KCNQ5: variants seen among roughly 807,000 people sequenced by gnomAD.
KCNQ5 encodes the protein potassium voltage-gated channel subfamily Q member 5.
In KCNQ5, 30 loss-of-function variants were observed where a neutral mutation model predicts 98.2. That is an observed-to-expected ratio of 0.31 (90% CI 0.23 to 0.41). The LOEUF is 0.41. KCNQ5 is among the 10% of genes least tolerant of loss of function. KCNQ5 has a pLI of 1.00. For synonymous variants in KCNQ5, 458 were observed against 449.4 expected (o/e 1.02, Z -0.24); for missense variants, 835 against 1,182.5 (o/e 0.71, Z 4.31).
In KCNQ5 at chr6:73,195,469, T is replaced by C; in HGVS notation, c.*55T>C. The C allele has an allele frequency of 1.9e-6, 3 of 1,554,544 alleles. No homozygotes were observed. The highest frequency in any genetic ancestry group is 2.6e-6 in the Non-Finnish European group (3 of 1,153,048). On this transcript the variant is annotated 3_prime_UTR_variant, in exon 14 of 14. Coordinates refer to ENST00000370398, the MANE Select transcript of KCNQ5 (RefSeq NM_019842.4). Reference sequence around the variant, plus strand: ...TTCTTTAGCCATACATATCATTGCATGAACTATTTCGAAAGCCCTTCTAAA... The same window carrying C: ...TTCTTTAGCCATACATATCATTGCACGAACTATTTCGAAAGCCCTTCTAAA...
At chr6:72,825,239 C>T (rs910066562) in intron 1 of KCNQ5, among the ~76,000 whole-genome samples, 3 of 152,108 alleles carry the variant, frequency 2.0e-5, no homozygotes, top group African/African-American at 7.2e-5. Context: ...GAGCAACATC[C>T]ACTCACCATC....
chr6:72,921,342 A>T (rs1381904876), intron 1 of KCNQ5, among the ~76,000 whole-genome samples: 1 of 152,218 alleles, frequency 6.6e-6, no homozygotes, highest in Non-Finnish European at 1.5e-5. Context: ...ATAAGAATAC[A>T]CATGGCAAGT....
chr6:73,055,386 A>C (rs533068978), intron 3 of KCNQ5: 50 of 1,493,400 alleles, frequency 3.3e-5, no homozygotes, highest in Non-Finnish European at 4.4e-5. Context: ...GGTCTCAATA[A>C]AGCAGAAACT....
At chr6:72,869,893 T>C (rs571131706) in intron 1 of KCNQ5, among the ~76,000 whole-genome samples, 18 of 152,308 alleles carry the variant, frequency 1.2e-4, no homozygotes, top group Non-Finnish European at 2.1e-4. Context: ...AGAATTTGGA[T>C]AATTTTTGTG....
chr6:73,046,230 A>G (rs187186632), intron 3 of KCNQ5, among the ~76,000 whole-genome samples: 17 of 152,062 alleles, frequency 1.1e-4, no homozygotes, highest in Non-Finnish European at 4.4e-5. Context: ...TAAGAGACTT[A>G]CTCTTCAATG....
At chr6:72,895,455 T>C (rs2150187415) in intron 1 of KCNQ5, among the ~76,000 whole-genome samples, 1 of 151,832 alleles carries the variant, frequency 6.6e-6, no homozygotes, top group Non-Finnish European at 1.5e-5. Context: ...AGAACACGAT[T>C]TTTTAAAATA....
chr6:72,836,552 C>A (rs549663808), intron 1 of KCNQ5, among the ~76,000 whole-genome samples: 2 of 152,208 alleles, frequency 1.3e-5, no homozygotes, highest in South Asian at 4.2e-4. Context: ...AATTCTCCCA[C>A]CTCAGCCTCC....
At chr6:72,945,607 A>ACCATG (rs1766506293) in intron 1 of KCNQ5, among the ~76,000 whole-genome samples, 1 of 151,576 alleles carries the variant, frequency 6.6e-6, no homozygotes. Flanking sequence ...AGTGCAGGCC[A>ACCATG]CCATGCCTGG....
intron 1 of KCNQ5, among the ~76,000 whole-genome samples, chr6:72,944,157 G>T (rs1260381598): frequency 6.6e-6 from 1 of 152,160 alleles, no homozygotes; most frequent in African/African-American, 2.4e-5. Context: ...CATGGTTCCA[G>T]TAAATATTCA....
intron 1 of KCNQ5, among the ~76,000 whole-genome samples, chr6:72,762,415 T>TC (rs1772335280): frequency 1.4e-5 from 2 of 142,944 alleles, no homozygotes; most frequent in African/African-American, 6.1e-5. Flanking sequence ...TTTAGAATAC[T>TC]TAAAAAAAAA....
rs148659681 is a variant in KCNQ5 at position 72,854,151 on chromosome 6, C to A, written c.399-149757C>A. On this transcript the variant is annotated intron_variant, in intron 1 of 13. Coordinates refer to ENST00000370398, the MANE Select transcript of KCNQ5 (RefSeq NM_019842.4). ...ATTACCTTTGAGATTTAAATGAGTT[C>A]TTCTCTGAAAATATAATGCAGATCT... is the stretch of plus-strand genomic sequence containing the variant. Among the ~76,000 whole-genome samples, 658 of 152,248 alleles carry A rather than the reference C, an allele frequency of 4.3e-3. 2 individuals carry two copies. The highest frequency in any genetic ancestry group is 0.015 in the African/African-American group (625 of 41,536).
intron 10 of KCNQ5, among the ~76,000 whole-genome samples, chr6:73,159,993 TTTTGTTTGTTTG>T (rs72448817): frequency 1.1e-4 from 15 of 136,404 alleles, no homozygotes; most frequent in South Asian, 2.2e-4. Context: ...CTATGGTTTT[TTTTGTTTGTTTG>T]TTTGTTTGTT....
chr6:72,700,289 CTATATCTATCTA>C (rs756603108), intron 1 of KCNQ5, among the ~76,000 whole-genome samples: 1 of 130,142 alleles, frequency 7.7e-6, no homozygotes, highest in Non-Finnish European at 1.6e-5. Context: ...ATCTATATAT[CTATATCTATCTA>C]TCTATCTATC....
intron 10 of KCNQ5, among the ~76,000 whole-genome samples, chr6:73,137,903 C>T (rs1379038112): frequency 1.3e-5 from 2 of 152,164 alleles, no homozygotes; most frequent in African/African-American, 4.8e-5. Flanking sequence ...CCACCACCCT[C>T]TTCTTGCCGC....
chr6:73,014,887 T>C (rs1429804881), intron 2 of KCNQ5, among the ~76,000 whole-genome samples: 1 of 152,074 alleles, frequency 6.6e-6, no homozygotes, highest in African/African-American at 2.4e-5. Context: ...TCATTGCCAC[T>C]TCCTATATAC....
At chr6:73,013,565 T>C (rs1770179908) in intron 2 of KCNQ5, among the ~76,000 whole-genome samples, 5 of 152,166 alleles carry the variant, frequency 3.3e-5, no homozygotes, top group Admixed American at 2.6e-4. Flanking sequence ...CATTGATTTC[T>C]TACTAGAAAA....
intron 1 of KCNQ5, among the ~76,000 whole-genome samples, chr6:72,921,194 G>A (rs534256363): frequency 1.3e-5 from 2 of 152,242 alleles, no homozygotes; most frequent in Admixed American, 1.3e-4. Context: ...AATCAGCATA[G>A]CCATGCTGCT....
intron 1 of KCNQ5, among the ~76,000 whole-genome samples, chr6:72,808,027 A>G (rs1384401186): frequency 6.6e-6 from 1 of 152,188 alleles, no homozygotes; most frequent in Non-Finnish European, 1.5e-5. Context: ...TTCACTTGCC[A>G]AAGAAGAGTT....
At chr6:73,058,345 G>A (rs1448408581) in intron 3 of KCNQ5, among the ~76,000 whole-genome samples, 4 of 152,070 alleles carry the variant, frequency 2.6e-5, no homozygotes, top group East Asian at 1.9e-4. Context: ...CCCGGGGGGC[G>A]GAGGCTGCAG....
Sources: gnomAD v4.1 joint callset for allele counts (sites outside exome capture counted in the v4.1 genomes callset) on GRCh38, gnomAD v4.1.1 for gene constraint, MANE v1.5 for transcripts, NCBI Gene and HGNC (gene_info 2026-07-23, HGNC 2026-07-21) for gene names.